Variants in GPHN observed in about 807,000 individuals in gnomAD.
GPHN encodes the protein gephyrin.
In GPHN, 17 loss-of-function variants were observed where a neutral mutation model predicts 95.5. The observed-to-expected ratio is 0.18, with a 90% confidence interval of 0.12 to 0.27. The LOEUF (loss-of-function observed/expected upper bound fraction) is 0.27, where lower values mean the gene tolerates loss of function less well. Among genes scored for constraint, GPHN ranks in the 10% least tolerant of loss-of-function variants. GPHN has a pLI of 1.00. For missense variants in GPHN, 660 were observed against 978.1 expected (o/e 0.67, Z 4.34); for synonymous variants, 320 against 322.5 (o/e 0.99, Z 0.08).
the GPHN span, among the ~76,000 whole-genome samples, chr14:67,287,211 C>A: frequency 9.2e-5 from 14 of 151,712 alleles, no homozygotes; most frequent in African/African-American, 3.4e-4. Context: ...AGAGCGAAAC[C>A]CTATCTCAAA....
the GPHN span, among the ~76,000 whole-genome samples, chr14:67,551,296 C>T: frequency 1.3e-5 from 2 of 152,108 alleles, no homozygotes; most frequent in Admixed American, 6.6e-5. Flanking sequence ...CACACTGTCC[C>T]GGCCAAACTG....
At chr14:67,629,200 G>A in the GPHN span, among the ~76,000 whole-genome samples, 1 of 152,122 alleles carries the variant, frequency 6.6e-6, no homozygotes, top group Non-Finnish European at 1.5e-5. Flanking sequence ...GCCAGGTGTG[G>A]TGGTGCATGC....
the GPHN span, among the ~76,000 whole-genome samples, chr14:67,497,846 C>T: frequency 1.6e-4 from 24 of 152,184 alleles, no homozygotes; most frequent in East Asian, 4.5e-3. Flanking sequence ...GTGTATGTTA[C>T]ATTCTCGGTG....
the GPHN span, among the ~76,000 whole-genome samples, chr14:67,203,930 T>A: frequency 6.6e-6 from 1 of 152,200 alleles, no homozygotes; most frequent in Non-Finnish European, 1.5e-5. Flanking sequence ...CAGGCTGGTA[T>A]TGAACTCCTG....
intron 6 of GPHN, 135 bp downstream of exon 6, chr14:66,916,204 C>T (rs1332594199): frequency 2.9e-6 from 2 of 699,566 alleles, no homozygotes; most frequent in African/African-American, 1.8e-5. Flanking sequence ...CCCAAAGTCA[C>T]TCTTGGGTTC....
chr14:67,657,529 G>C, the GPHN span, among the ~76,000 whole-genome samples: 1 of 152,024 alleles, frequency 6.6e-6, no homozygotes, highest in Non-Finnish European at 1.5e-5. Flanking sequence ...TGTCAGGCCA[G>C]AATTAACAAC....
chr14:66,742,671 C>T (rs2072891800), intron 2 of GPHN, among the ~76,000 whole-genome samples: 1 of 152,086 alleles, frequency 6.6e-6, no homozygotes, highest in Non-Finnish European at 1.5e-5. Flanking sequence ...TATTTTTCTT[C>T]CTGCTCTTTT....
At chr14:67,197,674 T>G in the GPHN span, among the ~76,000 whole-genome samples, 1 of 152,098 alleles carries the variant, frequency 6.6e-6, no homozygotes, top group South Asian at 2.1e-4. Flanking sequence ...CAGTTTAGTA[T>G]AGCTTTGATA....
chr14:67,517,456 G>T, the GPHN span, among the ~76,000 whole-genome samples: 1 of 151,982 alleles, frequency 6.6e-6, no homozygotes, highest in Non-Finnish European at 1.5e-5. Flanking sequence ...TAAACTCAGA[G>T]GCAAAAAATA....
the GPHN span, among the ~76,000 whole-genome samples, chr14:67,607,583 T>G: frequency 6.6e-6 from 1 of 152,140 alleles, no homozygotes; most frequent in Non-Finnish European, 1.5e-5. Context: ...GCCAGGATGG[T>G]CTTGATCTCT....
the GPHN span, among the ~76,000 whole-genome samples, chr14:67,280,933 G>C: frequency 3.5e-5 from 5 of 142,068 alleles, no homozygotes; most frequent in Middle Eastern, 4.0e-3. Flanking sequence ...GTCTTGCTCT[G>C]TTGCCCAGGC....
chr14:66,634,308 T>G (rs1470267520), intron 1 of GPHN, among the ~76,000 whole-genome samples: 2 of 152,084 alleles, frequency 1.3e-5, no homozygotes, highest in Admixed American at 6.6e-5. Context: ...TTGGGTAGAA[T>G]GTTTTCGCAT....
At chr14:67,733,133 T>TA in the GPHN span, among the ~76,000 whole-genome samples, 188 of 150,968 alleles carry the variant, frequency 1.2e-3, no homozygotes, top group Middle Eastern at 3.4e-3. Flanking sequence ...ATAATAAAAT[T>TA]AAAAAAAACA....
At chr14:66,790,675 G>C (rs1046315108) in intron 3 of GPHN, among the ~76,000 whole-genome samples, 1 of 152,220 alleles carries the variant, frequency 6.6e-6, no homozygotes, top group Non-Finnish European at 1.5e-5. Context: ...AGGGAAAGGG[G>C]AGAAAGAGTT....
intron 3 of GPHN, among the ~76,000 whole-genome samples, chr14:66,804,388 C>T (rs1395946336): frequency 2.6e-5 from 4 of 152,150 alleles, no homozygotes; most frequent in African/African-American, 4.8e-5. Flanking sequence ...GACTTACTTC[C>T]CTAGCAAGTC....
intron 9 of GPHN, among the ~76,000 whole-genome samples, chr14:66,986,364 A>G (rs1446243156): frequency 1.3e-5 from 2 of 152,222 alleles, no homozygotes; most frequent in East Asian, 1.9e-4. Context: ...CAATCAACAG[A>G]ACCAGATACA....
chr14:66,723,126 C>G (rs1222471112), intron 2 of GPHN, among the ~76,000 whole-genome samples: 1 of 152,080 alleles, frequency 6.6e-6, no homozygotes, highest in African/African-American at 2.4e-5. Context: ...AATCGTAGAT[C>G]ACTGTAACTT....
At chr14:66,820,590 A>T (rs1430225789) in intron 3 of GPHN, among the ~76,000 whole-genome samples, 1 of 152,122 alleles carries the variant, frequency 6.6e-6, no homozygotes, top group Non-Finnish European at 1.5e-5. Flanking sequence ...TTACAATAAG[A>T]AAAAGATATG....
At chr14:67,142,445 AC>A (rs2080530075) in intron 17 of GPHN, among the ~76,000 whole-genome samples, 1 of 151,916 alleles carries the variant, frequency 6.6e-6, no homozygotes, top group African/African-American at 2.4e-5. Flanking sequence ...CAAAGATAAG[AC>A]CCCTGTTTTC....
Sources: gnomAD v4.1 joint callset for allele counts (sites outside exome capture counted in the v4.1 genomes callset) on GRCh38, gnomAD v4.1.1 for gene constraint, MANE v1.5 for transcripts, NCBI Gene and HGNC (gene_info 2026-07-23, HGNC 2026-07-21) for gene names.